Variants in PDE10A observed in about 807,000 individuals in gnomAD.
PDE10A encodes phosphodiesterase 10A, also known as cAMP and cAMP-inhibited cGMP 3',5'-cyclic phosphodiesterase 10A.
A neutral mutation model predicts 97.7 loss-of-function variants in PDE10A; 39 were observed. That is an observed-to-expected ratio of 0.40 (90% confidence interval 0.31 to 0.52). The LOEUF is 0.52. Ranked by LOEUF, PDE10A falls within the 20% of genes least tolerant of loss-of-function variation. The pLI is 0.56. For missense variants in PDE10A, 731 were observed against 1,047.8 expected (o/e 0.70, Z 4.17); for synonymous variants, 371 against 376.8 (o/e 0.98, Z 0.18).
At chr6:165,580,721 AG>A (rs1785565407) in intron 1 of PDE10A, among the ~76,000 whole-genome samples, 1 of 152,062 alleles carries the variant, frequency 6.6e-6, no homozygotes, top group Non-Finnish European at 1.5e-5. Context: ...GAAGATGGTA[AG>A]TGTCCTACCC....
intron 1 of PDE10A, among the ~76,000 whole-genome samples, chr6:165,596,604 C>A (rs1293851518): frequency 6.6e-6 from 1 of 152,264 alleles, no homozygotes; most frequent in Non-Finnish European, 1.5e-5. Context: ...GTGGCACACA[C>A]CTGTAGTCCC....
At chr6:165,387,389 T>A (rs1350708309) in intron 17 of PDE10A, among the ~76,000 whole-genome samples, 3 of 152,052 alleles carry the variant, frequency 2.0e-5, no homozygotes, top group Non-Finnish European at 4.4e-5. Context: ...ACGTGGACAG[T>A]TAAATGAGGA....
intron 1 of PDE10A, among the ~76,000 whole-genome samples, chr6:165,865,750 G>GA (rs1781025062): frequency 1.3e-5 from 1 of 79,274 alleles, no homozygotes; most frequent in South Asian, 4.7e-4. Context: ...GAAAAAAAGG[G>GA]ATAAAAAAAA....
At chr6:165,344,895 AT>A (rs575435690) in intron 18 of PDE10A, among the ~76,000 whole-genome samples, 63 of 152,202 alleles carry the variant, frequency 4.1e-4, no homozygotes, top group Non-Finnish European at 7.5e-4. Context: ...AACAGATGCT[AT>A]GTGAAGATCC....
At chr6:165,447,521 A>G (rs1264886880) in intron 5 of PDE10A, among the ~76,000 whole-genome samples, 2 of 152,346 alleles carry the variant, frequency 1.3e-5, no homozygotes, top group South Asian at 2.1e-4. Flanking sequence ...CGTGGACCAC[A>G]ACAGACTGCA....
chr6:165,970,991 T>C (rs1170155704), intron 1 of PDE10A, among the ~76,000 whole-genome samples: 6 of 152,102 alleles, frequency 3.9e-5, no homozygotes, highest in Non-Finnish European at 1.5e-5. Flanking sequence ...CTACTAAAAA[T>C]ACAAAAATTA....
At chr6:165,427,493 G>A (rs1469069947) in intron 10 of PDE10A, among the ~76,000 whole-genome samples, 1 of 152,062 alleles carries the variant, frequency 6.6e-6, no homozygotes, top group Non-Finnish European at 1.5e-5. Flanking sequence ...GTAAGGAAGT[G>A]ATAAGCTAAG....
chr6:165,912,714 ATAAAT>A (rs1782496660), intron 1 of PDE10A, among the ~76,000 whole-genome samples: 1 of 152,254 alleles, frequency 6.6e-6, no homozygotes, highest in East Asian at 1.9e-4. Context: ...AACCAATAAC[ATAAAT>A]TAAATAAGAT....
intron 1 of PDE10A, among the ~76,000 whole-genome samples, chr6:165,691,605 A>ACG (rs1465025962): frequency 2.3e-4 from 34 of 150,346 alleles, no homozygotes; most frequent in African/African-American, 8.3e-4. Context: ...ACACACACAC[A>ACG]CACACACACA....
chr6:165,750,171 TGC>T (rs1296227559), intron 1 of PDE10A, among the ~76,000 whole-genome samples: 1 of 151,958 alleles, frequency 6.6e-6, no homozygotes, highest in East Asian at 1.9e-4. Context: ...TTGACTGGAG[TGC>T]AAAATGCAGA....
intron 18 of PDE10A, among the ~76,000 whole-genome samples, chr6:165,370,042 T>A (rs753830417): frequency 1.3e-5 from 2 of 152,092 alleles, no homozygotes; most frequent in African/African-American, 4.8e-5. Flanking sequence ...GAGATTCTGT[T>A]ACCACCAGGC....
At chr6:165,605,285 C>A (rs983205219) in intron 1 of PDE10A, among the ~76,000 whole-genome samples, 4 of 152,038 alleles carry the variant, frequency 2.6e-5, no homozygotes, top group South Asian at 4.1e-4. Context: ...ACAAAAAAAA[C>A]CAACAAGTCA....
chr6:165,598,408 T>G (rs553038034), intron 1 of PDE10A, among the ~76,000 whole-genome samples: 25 of 152,342 alleles, frequency 1.6e-4, no homozygotes, highest in African/African-American at 5.8e-4. Flanking sequence ...AGGAAAGGCA[T>G]TTTTAGCAAA....
chr6:165,375,858 T>C (rs926568013), intron 18 of PDE10A, among the ~76,000 whole-genome samples: 1 of 152,188 alleles, frequency 6.6e-6, no homozygotes, highest in African/African-American at 2.4e-5. Flanking sequence ...AAAGCCTCAA[T>C]GACAGCACAT....
intron 1 of PDE10A, among the ~76,000 whole-genome samples, chr6:165,565,206 A>T (rs572816832): frequency 1.2e-4 from 19 of 152,298 alleles, no homozygotes; most frequent in African/African-American, 2.2e-4. Context: ...AAATTTTTTT[A>T]AAAATCAACA....
At chr6:165,645,507 A>T (rs1789349174) in intron 1 of PDE10A, among the ~76,000 whole-genome samples, 1 of 152,286 alleles carries the variant, frequency 6.6e-6, no homozygotes, top group African/African-American at 2.4e-5. Context: ...CAGACACGCA[A>T]GCACATTAAA....
chr6:165,388,691 T>C lies in PDE10A; in HGVS notation c.2455-238A>G, dbSNP rs1785467483. 6.6e-6 allele frequency among the ~76,000 whole-genome samples: 1 copy of C among 152,152 alleles called. No individual in the cohort carries two copies. The highest frequency in any genetic ancestry group is 1.5e-5 in the Non-Finnish European group (1 of 68,030). On this transcript the variant is annotated intron_variant, in intron 16 of 21. Coordinates refer to ENST00000539869, the MANE Select transcript of PDE10A (RefSeq NM_001385079.1). This position sits in a 1 kb window ranked among gnomAD's most constrained non-coding sequence, Gnocchi z 4.0. The stretch of plus-strand genomic sequence containing the variant: ...TCTGCTTAGGAATCTGATAGTCAAA[T>C]TATTTTTGAGTTTCTCTCTCAACTC...
intron 13 of PDE10A, among the ~76,000 whole-genome samples, chr6:165,406,548 G>A (rs1000384593): frequency 6.6e-6 from 1 of 152,040 alleles, no homozygotes; most frequent in Non-Finnish European, 1.5e-5. Flanking sequence ...TATCGATGAA[G>A]TTTTGGGTTT....
At chr6:165,592,112 AT>A (rs1332692888) in intron 1 of PDE10A, among the ~76,000 whole-genome samples, 2 of 152,244 alleles carry the variant, frequency 1.3e-5, no homozygotes, top group Non-Finnish European at 2.9e-5. Flanking sequence ...ACAGATATAT[AT>A]AGACCAATGG....
Sources: gnomAD v4.1 joint callset for allele counts (sites outside exome capture counted in the v4.1 genomes callset) on GRCh38, gnomAD v4.1.1 for gene constraint, Gnocchi (gnomAD v3.1) non-coding constraint, MANE v1.5 for transcripts, NCBI Gene and HGNC (gene_info 2026-07-23, HGNC 2026-07-21) for gene names.